THSD7A: variants seen among roughly 807,000 people sequenced by gnomAD.
THSD7A encodes the protein thrombospondin type-1 domain-containing protein 7A.
THSD7A carries 96 observed loss-of-function variants against 231.3 expected under a neutral mutation model. The observed-to-expected ratio is 0.41, with a 90% CI of 0.35 to 0.49. THSD7A has a LOEUF of 0.49. THSD7A is among the 20% of genes least tolerant of loss of function. The probability of loss-of-function intolerance (pLI) is 0.05; values close to 1 mark genes in which losing one functional copy is unlikely to be tolerated. For synonymous variants in THSD7A, 940 were observed against 743.3 expected (o/e 1.26, Z -4.30); for missense variants, 2,290 against 2,070.2 (o/e 1.11, Z -2.06).
intron 1 of THSD7A, among the ~76,000 whole-genome samples, chr7:11,705,231 G>C (rs1365091364): frequency 6.6e-6 from 1 of 150,848 alleles, no homozygotes; most frequent in Non-Finnish European, 1.5e-5. Flanking sequence ...TTAATAAAAA[G>C]CCTCATTATA....
chr7:11,436,794 A>G (rs1219894441), intron 13 of THSD7A, among the ~76,000 whole-genome samples: 1 of 151,990 alleles, frequency 6.6e-6, no homozygotes, highest in African/African-American at 2.4e-5. Context: ...TTTATATTTT[A>G]CAGGTCAAAA....
chr7:11,707,932 C>T (rs1780824632), intron 1 of THSD7A, among the ~76,000 whole-genome samples: 2 of 150,698 alleles, frequency 1.3e-5, no homozygotes, highest in South Asian at 4.1e-4. Context: ...CATCTCTTAT[C>T]TCTTTGCTGT....
intron 4 of THSD7A, among the ~76,000 whole-genome samples, chr7:11,564,402 G>A (rs2214587): frequency 0.036 from 5,413 of 152,242 alleles, 339 homozygotes; most frequent in African/African-American, 0.12. Context: ...TGAATGCTGC[G>A]TGTCAGCAAG....
chr7:11,569,892 G>T (rs1473216938), intron 4 of THSD7A, among the ~76,000 whole-genome samples: 1 of 152,164 alleles, frequency 6.6e-6, no homozygotes, highest in Non-Finnish European at 1.5e-5. Context: ...ATGAAACTAG[G>T]CTGGGCACAG....
At chr7:11,688,803 A>C (rs1277387088) in intron 1 of THSD7A, among the ~76,000 whole-genome samples, 1 of 151,802 alleles carries the variant, frequency 6.6e-6, no homozygotes. Flanking sequence ...GCATTTCATC[A>C]AGTTCACTAC....
intron 4 of THSD7A, among the ~76,000 whole-genome samples, chr7:11,577,827 C>A (rs1790985329): frequency 6.6e-6 from 1 of 151,916 alleles, no homozygotes; most frequent in Non-Finnish European, 1.5e-5. Flanking sequence ...CCGAGGGTTA[C>A]TACAAGCATC....
chr7:11,535,540 C>A (rs900063552), intron 6 of THSD7A, among the ~76,000 whole-genome samples: 1 of 151,508 alleles, frequency 6.6e-6, no homozygotes. Context: ...TAGTTTTAGA[C>A]GATCCTAATT....
intron 1 of THSD7A, among the ~76,000 whole-genome samples, chr7:11,736,301 A>C (rs1453557237): frequency 1.3e-5 from 2 of 151,982 alleles, no homozygotes; most frequent in African/African-American, 4.8e-5. Context: ...AGTAATATTT[A>C]ATATATTTGA....
In THSD7A at chr7:11,573,297, T is replaced by G. The variant is rs1790729765; in HGVS notation, c.1453+17163A>C. ...CCAAACTCTGGCCAAGGATTCATGGTGTATCCACACTGAGACTCTTGGACT... is the reference window on the plus strand; with the variant it reads ...CCAAACTCTGGCCAAGGATTCATGGGGTATCCACACTGAGACTCTTGGACT... On this transcript the variant is annotated intron_variant, in intron 4 of 27. Transcript: ENST00000423059. 2.6e-5 allele frequency among the ~76,000 whole-genome samples: 4 copies of G among 152,244 alleles called. No homozygotes were observed. In the South Asian group the frequency reaches 8.3e-4, roughly 31 times the overall value.
intron 1 of THSD7A, among the ~76,000 whole-genome samples, chr7:11,703,922 C>T (rs891879759): frequency 6.6e-6 from 1 of 151,102 alleles, no homozygotes; most frequent in Non-Finnish European, 1.5e-5. Context: ...ATTTCTCACA[C>T]TGAAACTGGA....
intron 1 of THSD7A, among the ~76,000 whole-genome samples, chr7:11,708,312 T>C (rs963618479): frequency 2.7e-5 from 4 of 150,808 alleles, no homozygotes; most frequent in South Asian, 4.1e-4. Context: ...TTTTAAAAAA[T>C]ATAAAATGGA....
intron 1 of THSD7A, among the ~76,000 whole-genome samples, chr7:11,674,667 G>C (rs1206359436): frequency 6.6e-6 from 1 of 152,110 alleles, no homozygotes. Flanking sequence ...TCACAAGGGA[G>C]ACAAGAATAA....
At chr7:11,755,139 G>T (rs1001816620) in intron 1 of THSD7A, among the ~76,000 whole-genome samples, 1 of 152,002 alleles carries the variant, frequency 6.6e-6, no homozygotes, top group African/African-American at 2.4e-5. Flanking sequence ...CTAGGGGGCG[G>T]AGGATTGAGG....
intron 13 of THSD7A, among the ~76,000 whole-genome samples, chr7:11,430,552 C>CTCT (rs1784448979): frequency 6.6e-6 from 1 of 152,110 alleles, no homozygotes; most frequent in African/African-American, 2.4e-5. Context: ...CCTTGACCTC[C>CTCT]TGCACTCAAG....
At chr7:11,576,728 T>C (rs985836135) in intron 4 of THSD7A, among the ~76,000 whole-genome samples, 4 of 152,236 alleles carry the variant, frequency 2.6e-5, no homozygotes, top group South Asian at 2.1e-4. Flanking sequence ...ATTGACCTTA[T>C]AGAATCATGT....
chr7:11,715,991 A>G (rs1401295391), intron 1 of THSD7A, among the ~76,000 whole-genome samples: 1 of 151,614 alleles, frequency 6.6e-6, no homozygotes, highest in East Asian at 2.0e-4. Context: ...AAATTGAAAT[A>G]CTAAGATTCT....
At chr7:11,707,790 T>G (rs1780818323) in intron 1 of THSD7A, among the ~76,000 whole-genome samples, 1 of 150,888 alleles carries the variant, frequency 6.6e-6, no homozygotes, top group Admixed American at 6.6e-5. Flanking sequence ...TTGAAATTCA[T>G]TCAGCTTGAG....
At chr7:11,672,014 T>G (rs1026847024) in intron 1 of THSD7A, among the ~76,000 whole-genome samples, 8 of 152,178 alleles carry the variant, frequency 5.3e-5, no homozygotes, top group African/African-American at 1.9e-4. Context: ...TTAACTATTA[T>G]GAGAATGGCA....
intron 23 of THSD7A, among the ~76,000 whole-genome samples, chr7:11,394,197 A>G (rs1202256455): frequency 6.6e-6 from 1 of 152,234 alleles, no homozygotes; most frequent in East Asian, 1.9e-4. Flanking sequence ...GCCAGAAGAG[A>G]TTGGGATCCA....
Sources: allele counts gnomAD v4.1 joint callset (sites outside exome capture counted in the v4.1 genomes callset), GRCh38; gene constraint gnomAD v4.1.1; transcripts MANE v1.5; gene names NCBI Gene and HGNC (gene_info 2026-07-23, HGNC 2026-07-21).